CSNK1G1: variants seen among roughly 807,000 people sequenced by gnomAD.
CSNK1G1 encodes casein kinase 1 gamma 1, also known as casein kinase I isoform gamma-1.
A neutral mutation model predicts 59.6 loss-of-function variants in CSNK1G1; 22 were observed. The observed-to-expected ratio is 0.37, with a 90% CI of 0.26 to 0.53. The LOEUF (loss-of-function observed/expected upper bound fraction) is 0.53. CSNK1G1 is among the 20% of genes least tolerant of loss of function. The pLI is 0.89. For missense variants in CSNK1G1, 384 were observed against 519.5 expected, an observed-to-expected ratio of 0.74 and a Z score of 2.54; for synonymous variants, 179 against 177.1, an observed-to-expected ratio of 1.01 and a Z score of -0.08.
intron 1 of CSNK1G1, among the ~76,000 whole-genome samples, chr15:64,343,569 A>T (rs1897790217): frequency 6.6e-6 from 1 of 151,816 alleles, no homozygotes; most frequent in African/African-American, 2.4e-5. Flanking sequence ...CTTTAACTTT[A>T]ATCTCCTTCC....
intron 2 of CSNK1G1, among the ~76,000 whole-genome samples, chr15:64,296,736 C>T (rs908203912): frequency 5.9e-5 from 9 of 151,886 alleles, no homozygotes; most frequent in Non-Finnish European, 1.3e-4. Flanking sequence ...TGGAGGCACA[C>T]GCCTGTAATC....
chr15:64,289,213 G>T (rs997639726), intron 2 of CSNK1G1, among the ~76,000 whole-genome samples: 2 of 149,866 alleles, frequency 1.3e-5, no homozygotes, highest in African/African-American at 5.1e-5. Flanking sequence ...GAATTGTTTG[G>T]CAAGCCTGGA....
At chr15:64,227,957 G>A (rs2082484705) in intron 4 of CSNK1G1, among the ~76,000 whole-genome samples, 1 of 152,012 alleles carries the variant, frequency 6.6e-6, no homozygotes, top group African/African-American at 2.4e-5. Flanking sequence ...CAAACCCTAT[G>A]TCCTGCCCTT....
Position 64,216,455 on chromosome 15 carries a change from G to A in CSNK1G1, c.444+107C>T. 1.8e-6 allele frequency: 2 copies of A among 1,111,230 alleles called. No individual in the cohort carries two copies. Among genetic ancestry groups the A allele is most frequent in the Non-Finnish European group, 2.6e-6 (2 of 768,004 alleles). The allele number at this position is 1,111,230 out of a possible 1,614,324, so 68.8% of individuals were successfully genotyped here. A position where few individuals can be genotyped will look rare whatever the true frequency, so the allele number is the denominator to read the frequency against. ...TCCCAGAATGCCATCAAGCCTGTGAGTACTAATTCTTGATGTGTTGCTACG... is the reference window on the plus strand; with the variant it reads ...TCCCAGAATGCCATCAAGCCTGTGAATACTAATTCTTGATGTGTTGCTACG... On this transcript the variant is annotated intron_variant, in intron 5 of 11. Transcript: ENST00000303052. The surrounding 1 kb of genome is among the most constrained non-coding windows in gnomAD (Gnocchi z 4.6).
chr15:64,216,550 AT>A lies in CSNK1G1; in HGVS notation c.444+11del. The A allele has an allele frequency of 6.2e-7, 1 of 1,613,556 alleles. No individual in the cohort carries two copies. The highest frequency in any genetic ancestry group is 2.2e-5 in the East Asian group (1 of 44,876). ...CAGCTTATTCTCTTCTAGAAGAGCA[AT>A]TCCAACTTACCAGCTGGATGGCTAT... On this transcript the variant is annotated intron_variant, in intron 5 of 11. Transcript: ENST00000303052. The surrounding 1 kb of genome is among the most constrained non-coding windows in gnomAD (Gnocchi z 4.6).
At chr15:64,202,668 T>A (rs1006265686) in intron 10 of CSNK1G1, among the ~76,000 whole-genome samples, 2 of 151,844 alleles carry the variant, frequency 1.3e-5, no homozygotes, top group East Asian at 3.9e-4. Context: ...TTCTCCCACC[T>A]CAGCCTCCAA....
At chr15:64,252,737 A>C (rs1343661404) in intron 3 of CSNK1G1, among the ~76,000 whole-genome samples, 2 of 152,212 alleles carry the variant, frequency 1.3e-5, no homozygotes, top group Non-Finnish European at 2.9e-5. Flanking sequence ...TGTGGTGTTC[A>C]AGTTTCCAAA....
At chr15:64,194,361 A>G (rs1474553491) in intron 10 of CSNK1G1, 2 of 151,122 alleles carry the variant, frequency 1.3e-5, no homozygotes, top group African/African-American at 2.4e-5. Context: ...TTTTTAAGGT[A>G]TTCATTTTAT....
At chr15:64,189,880 G>T (rs183005924) in intron 10 of CSNK1G1, among the ~76,000 whole-genome samples, 1 of 149,518 alleles carries the variant, frequency 6.7e-6, no homozygotes, top group Non-Finnish European at 1.5e-5. Flanking sequence ...GTGCAGTGGC[G>T]CATTCTCGGC....
intron 2 of CSNK1G1, among the ~76,000 whole-genome samples, chr15:64,272,137 G>C (rs1448605232): frequency 1.3e-5 from 2 of 151,570 alleles, no homozygotes; most frequent in Non-Finnish European, 2.9e-5. Context: ...TGAGCCTACG[G>C]ATATCATTAC....
At chr15:64,201,199 GA>G (rs1297025149) in intron 10 of CSNK1G1, among the ~76,000 whole-genome samples, 1 of 149,308 alleles carries the variant, frequency 6.7e-6, no homozygotes, top group African/African-American at 2.5e-5. Context: ...TTGAATCTGG[GA>G]GACAGAGGTT....
intron 2 of CSNK1G1, among the ~76,000 whole-genome samples, chr15:64,297,660 G>A (rs1895100022): frequency 6.6e-6 from 1 of 151,610 alleles, no homozygotes; most frequent in South Asian, 2.1e-4. Flanking sequence ...TCATGCCACT[G>A]CACTCCAGGG....
At chr15:64,197,667 CTGCT>C (rs1439452990) in intron 10 of CSNK1G1, among the ~76,000 whole-genome samples, 1 of 152,184 alleles carries the variant, frequency 6.6e-6, no homozygotes, top group Non-Finnish European at 1.5e-5. Context: ...AATTCACTGC[CTGCT>C]TAATGATTTC....
In CSNK1G1 at chr15:64,179,919, A is replaced by T. The variant is rs2081789675; in HGVS notation, c.1214+429T>A. ...GCCAGAATCATTTGAGAGTGAACAA[A>T]ATGGCCCTGAACTCCTTGTTCCATG... is the stretch of plus-strand genomic sequence containing the variant. On this transcript the variant is annotated intron_variant, in intron 11 of 11. Transcript: ENST00000303052. 2.0e-5 allele frequency among the ~76,000 whole-genome samples: 3 copies of T among 152,118 alleles called. No homozygotes were observed. The South Asian group carries it at 6.2e-4, about 32-fold the overall frequency.
intron 10 of CSNK1G1, chr15:64,182,053 G>GTTTTTTTTTTTTTTT (rs71447372): frequency 7.2e-5 from 6 of 83,236 alleles, no homozygotes; most frequent in African/African-American, 3.3e-4. Context: ...TTAGTAACCC[G>GTTTTTTTTTTTTTTT]TTTTTTTTTT....
intron 10 of CSNK1G1, among the ~76,000 whole-genome samples, chr15:64,199,650 T>G (rs912431524): frequency 6.6e-5 from 10 of 152,174 alleles, no homozygotes; most frequent in Admixed American, 3.3e-4. Context: ...AGCTCAGGAG[T>G]TCGCAACCAG....
chr15:64,229,774 C>T (rs1302504089), intron 4 of CSNK1G1, among the ~76,000 whole-genome samples: 1 of 151,080 alleles, frequency 6.6e-6, no homozygotes, highest in Non-Finnish European at 1.5e-5. Context: ...CCAAGAAATT[C>T]TCCTCTCCCT....
At chr15:64,268,587 G>A (rs1414299176) in intron 2 of CSNK1G1, among the ~76,000 whole-genome samples, 3 of 152,188 alleles carry the variant, frequency 2.0e-5, no homozygotes, top group East Asian at 3.8e-4. Context: ...TCCCAAAGAT[G>A]TGTACCTTAG....
chr15:64,204,062 G>C (rs1440438766), intron 9 of CSNK1G1, among the ~76,000 whole-genome samples: 1 of 151,746 alleles, frequency 6.6e-6, no homozygotes, highest in African/African-American at 2.4e-5. Context: ...AGAATCGCTT[G>C]AACTCAGGAG....
Sources: gnomAD v4.1 joint callset for allele counts (sites outside exome capture counted in the v4.1 genomes callset) on GRCh38, gnomAD v4.1.1 for gene constraint, Gnocchi (gnomAD v3.1) non-coding constraint, MANE v1.5 for transcripts, NCBI Gene and HGNC (gene_info 2026-07-23, HGNC 2026-07-21) for gene names.